PKP4: variants seen among roughly 807,000 people sequenced by gnomAD.
PKP4 encodes plakophilin 4, also known as plakophilin-4.
A neutral mutation model predicts 145.1 loss-of-function variants in PKP4; 90 were observed. The observed-to-expected ratio is 0.62, with a 90% CI of 0.52 to 0.74. The LOEUF (loss-of-function observed/expected upper bound fraction) is 0.74. PKP4 is among the 30% of genes least tolerant of loss of function. PKP4 has a pLI of 0.00. For synonymous variants in PKP4, 563 were observed against 577.2 expected (o/e 0.98, Z 0.35); for missense variants, 1,340 against 1,482.7 (o/e 0.90, Z 1.58).
chr2:158,598,733 C>A (rs111619399), intron 3 of PKP4, among the ~76,000 whole-genome samples: 5,920 of 152,254 alleles, frequency 0.039, 184 homozygotes, highest in Non-Finnish European at 0.053. Context: ...CGCGCCACTG[C>A]ACTCCAGCCT....
chr2:158,589,326 C>G (rs6705255), intron 3 of PKP4, among the ~76,000 whole-genome samples: 12,632 of 152,154 alleles, frequency 0.083, 741 homozygotes, highest in Middle Eastern at 0.22. Context: ...ACATTTTCCC[C>G]TAAAGATAGT....
intron 2 of PKP4, among the ~76,000 whole-genome samples, chr2:158,535,041 T>C (rs1013264492): frequency 6.6e-6 from 1 of 152,210 alleles, no homozygotes; most frequent in Non-Finnish European, 1.5e-5. Context: ...CATAATTTCT[T>C]TTAAAAATTG....
At chr2:158,608,994 T>A (rs1024007359) in intron 4 of PKP4, among the ~76,000 whole-genome samples, 3 of 151,726 alleles carry the variant, frequency 2.0e-5, no homozygotes, top group Admixed American at 6.6e-5. Context: ...TTGTTTTTTT[T>A]AAATTACAGA....
At chr2:158,676,717 C>T in intron 19 of PKP4, 22 bp from the exon 20 acceptor site, 2 of 1,613,984 alleles carry the variant, frequency 1.2e-6, no homozygotes, top group Non-Finnish European at 1.7e-6. Context: ...CTCTTTCTCT[C>T]CTCCTTTGCC....
intron 7 of PKP4, among the ~76,000 whole-genome samples, chr2:158,630,481 T>C (rs1341045344): frequency 1.4e-4 from 21 of 152,206 alleles, no homozygotes; most frequent in Admixed American, 1.1e-3. Context: ...CAATGATAAA[T>C]AGTATTTCAT....
At chr2:158,469,727 A>T (rs553373860) in intron 1 of PKP4, among the ~76,000 whole-genome samples, 1 of 152,368 alleles carries the variant, frequency 6.6e-6, no homozygotes, top group Admixed American at 6.5e-5. Context: ...AATCAGTCCT[A>T]AAATATAGCT....
intron 2 of PKP4, among the ~76,000 whole-genome samples, chr2:158,567,193 A>G (rs373339788): frequency 5.6e-4 from 86 of 152,326 alleles, no homozygotes; most frequent in African/African-American, 1.6e-3. Flanking sequence ...CTTTAAGAGG[A>G]GTCCTGTTTA....
chr2:158,545,072 A>ATTTTTT (rs1559302413), intron 2 of PKP4, among the ~76,000 whole-genome samples: 2 of 35,702 alleles, frequency 5.6e-5, no homozygotes, highest in African/African-American at 2.0e-4. Flanking sequence ...TAAGTCTTTC[A>ATTTTTT]CTTTTTTTTT....
intron 1 of PKP4, among the ~76,000 whole-genome samples, chr2:158,480,200 A>G (rs1054405936): frequency 1.3e-5 from 2 of 152,150 alleles, no homozygotes; most frequent in Non-Finnish European, 2.9e-5. Flanking sequence ...TAGCAACTCA[A>G]AATTTGCCTC....
chr2:158,555,880 A>G (rs927728311), intron 2 of PKP4, among the ~76,000 whole-genome samples: 1 of 152,188 alleles, frequency 6.6e-6, no homozygotes, highest in Non-Finnish European at 1.5e-5. Flanking sequence ...GGCCAAGTCC[A>G]AGTATAATCT....
chr2:158,505,665 G>A (rs1364834579), intron 1 of PKP4, among the ~76,000 whole-genome samples: 1 of 152,088 alleles, frequency 6.6e-6, no homozygotes, highest in Non-Finnish European at 1.5e-5. Context: ...AGAAGTGAGG[G>A]TTTTGGAGTG....
At chr2:158,543,329 G>A (rs2044686449) in intron 2 of PKP4, among the ~76,000 whole-genome samples, 1 of 152,142 alleles carries the variant, frequency 6.6e-6, no homozygotes, top group Non-Finnish European at 1.5e-5. Flanking sequence ...TTTTAGATAT[G>A]CACATTTGGT....
chr2:158,644,142 T>C (rs2711071), intron 11 of PKP4, among the ~76,000 whole-genome samples: 102,561 of 152,178 alleles, frequency 0.67, 37,073 homozygotes, highest in East Asian at 0.92. Context: ...ATGGCCAGTT[T>C]AGGCCTTTAA....
chr2:158,521,531 A>G (rs2042372017), intron 1 of PKP4, among the ~76,000 whole-genome samples: 1 of 152,236 alleles, frequency 6.6e-6, no homozygotes, highest in South Asian at 2.1e-4. Context: ...TTGCCAAGAA[A>G]TTTGAATTAT....
intron 1 of PKP4, among the ~76,000 whole-genome samples, chr2:158,463,418 A>G (rs1690089649): frequency 6.6e-6 from 1 of 152,166 alleles, no homozygotes; most frequent in Non-Finnish European, 1.5e-5. Flanking sequence ...AGTTGAAAAA[A>G]AAAAAAAAAA....
intron 2 of PKP4, among the ~76,000 whole-genome samples, chr2:158,557,565 A>C (rs2046203216): frequency 6.6e-6 from 1 of 152,204 alleles, no homozygotes; most frequent in African/African-American, 2.4e-5. Context: ...AAGTGAACTT[A>C]ATGTGTGCTG....
chr2:158,486,145 C>G (rs1318286805), intron 1 of PKP4, among the ~76,000 whole-genome samples: 1 of 152,074 alleles, frequency 6.6e-6, no homozygotes, highest in Non-Finnish European at 1.5e-5. Context: ...TACTTGGCAG[C>G]TCAACTTTTT....
chr2:158,663,131 C>T (rs1259697243), intron 14 of PKP4, 43 bp downstream of exon 14: 4 of 1,544,382 alleles, frequency 2.6e-6, no homozygotes, highest in Non-Finnish European at 3.5e-6. Flanking sequence ...TTTAATTTTT[C>T]TGGGAGTGAG....
chr2:158,474,884 T>A (rs1409260396), intron 1 of PKP4, among the ~76,000 whole-genome samples: 1 of 152,248 alleles, frequency 6.6e-6, no homozygotes, highest in Non-Finnish European at 1.5e-5. Context: ...GACTGATGCC[T>A]TGTGGGGTTC....
Sources: gnomAD v4.1 joint callset for allele counts (sites outside exome capture counted in the v4.1 genomes callset) on GRCh38, gnomAD v4.1.1 for gene constraint, MANE v1.5 for transcripts, NCBI Gene and HGNC (gene_info 2026-07-23, HGNC 2026-07-21) for gene names.